Variants in M1AP observed in about 807,000 individuals in gnomAD.
M1AP encodes the protein meiosis 1 associated protein.
In M1AP, 39 loss-of-function variants were observed where a neutral mutation model predicts 51.2. The ratio of observed to expected loss-of-function variants is 0.76; its 90% CI spans 0.59 to 1.00. M1AP has a LOEUF of 1.00. Among genes scored for constraint, M1AP ranks in the 50% least tolerant of loss-of-function variants. The probability of loss-of-function intolerance (pLI) is 0.00; values close to 1 mark genes in which losing one functional copy is unlikely to be tolerated. For missense variants in M1AP, 545 were observed against 641.2 expected (o/e 0.85, Z 1.62); for synonymous variants, 251 against 249.2 (o/e 1.01, Z -0.07).
chr2:74,571,878 C>T (rs1456294250), intron 7 of M1AP, among the ~76,000 whole-genome samples: 2 of 152,002 alleles, frequency 1.3e-5, no homozygotes, highest in Non-Finnish European at 2.9e-5. Context: ...TGCCTGTAAT[C>T]CCAGCTACTC....
intron 3 of M1AP, among the ~76,000 whole-genome samples, chr2:74,614,278 A>G (rs1011011416): frequency 3.3e-5 from 5 of 152,176 alleles, no homozygotes; most frequent in Non-Finnish European, 5.9e-5. Flanking sequence ...TCTAAAAAAT[A>G]TTGTTGATTT....
intron 4 of M1AP, among the ~76,000 whole-genome samples, chr2:74,582,725 T>TA (rs1679485337): frequency 6.6e-6 from 1 of 151,940 alleles, no homozygotes. Context: ...TTTCTTGTGT[T>TA]AAAAAAAATT....
intron 1 of M1AP, chr2:74,647,520 A>T (rs1003521655): frequency 2.1e-6 from 1 of 477,982 alleles, no homozygotes; most frequent in Non-Finnish European, 2.7e-6. Context: ...AGGCCCTAAA[A>T]ATCTCATTTC....
At chr2:74,611,882 G>GGTTTT in intron 3 of M1AP, among the ~76,000 whole-genome samples, 1 of 42,940 alleles carries the variant, frequency 2.3e-5, no homozygotes, top group Non-Finnish European at 3.8e-5. Context: ...ACAAAAAAGT[G>GGTTTT]TTTTTTTTTT....
At chr2:74,603,223 G>T (rs1680772818) in intron 4 of M1AP, among the ~76,000 whole-genome samples, 2 of 152,192 alleles carry the variant, frequency 1.3e-5, no homozygotes, top group Admixed American at 1.3e-4. Flanking sequence ...GCCTCCATGG[G>T]TATCAAAGTC....
intron 4 of M1AP, among the ~76,000 whole-genome samples, chr2:74,603,532 G>A (rs1680795559): frequency 1.3e-5 from 2 of 152,220 alleles, no homozygotes; most frequent in African/African-American, 4.8e-5. Context: ...CAGTAGTAAT[G>A]AACCTGAATT....
At chr2:74,620,289 A>C (rs1573159288) in intron 2 of M1AP, among the ~76,000 whole-genome samples, 2 of 152,370 alleles carry the variant, frequency 1.3e-5, no homozygotes, top group African/African-American at 4.8e-5. Context: ...TGAAGAAAGC[A>C]ATGCCAAGGA....
chr2:74,625,084 C>G (rs1050981707), intron 2 of M1AP, among the ~76,000 whole-genome samples: 1 of 152,146 alleles, frequency 6.6e-6, no homozygotes, highest in Non-Finnish European at 1.5e-5. Flanking sequence ...TCTTCAAATT[C>G]TCATGAAAAT....
At chr2:74,626,336 C>G (rs1245646432) in intron 2 of M1AP, among the ~76,000 whole-genome samples, 1 of 147,496 alleles carries the variant, frequency 6.8e-6, no homozygotes, top group African/African-American at 2.6e-5. Context: ...AATCATAGCT[C>G]ATGGCACTGG....
chr2:74,593,379 C>CATTT, intron 4 of M1AP, among the ~76,000 whole-genome samples: 1 of 152,160 alleles, frequency 6.6e-6, no homozygotes, highest in South Asian at 2.1e-4. Context: ...ATATTTTATT[C>CATTT]ATTTATTTAT....
chr2:74,638,763 A>G (rs982906807), intron 2 of M1AP, among the ~76,000 whole-genome samples: 3 of 152,156 alleles, frequency 2.0e-5, no homozygotes, highest in African/African-American at 4.8e-5. Context: ...CTTGGCTACA[A>G]TCTCATGAGG....
chr2:74,599,875 G>C (rs1680575070), intron 4 of M1AP, among the ~76,000 whole-genome samples: 1 of 151,046 alleles, frequency 6.6e-6, no homozygotes, highest in African/African-American at 2.4e-5. Flanking sequence ...CTCTCACCCA[G>C]GCTGGAGTGC....
intron 2 of M1AP, among the ~76,000 whole-genome samples, chr2:74,626,751 C>T (rs1682421844): frequency 6.6e-6 from 1 of 152,190 alleles, no homozygotes; most frequent in African/African-American, 2.4e-5. Context: ...GGCTATCCAG[C>T]TGATCCAAAC....
rs1236970365 is a variant in M1AP at position 74,568,346 on chromosome 2, TGTTGGAAGGCA to T, written c.1075-5934_1075-5924del. On this transcript the variant is annotated intron_variant, in intron 7 of 10. Transcript: ENST00000421985. ...GAACAATCGGAAAAGCTGGATAATT[TGTTGGAAGGCA>T]GTAAGGAGTTGCTGAGGCAATGAGA... 2.0e-5 allele frequency among the ~76,000 whole-genome samples: 3 copies of T among 152,218 alleles called. No homozygotes were observed. In the East Asian group the frequency reaches 5.8e-4, roughly 29 times the overall value.
At chr2:74,645,301 C>A (rs1683538237) in intron 1 of M1AP, among the ~76,000 whole-genome samples, 1 of 152,202 alleles carries the variant, frequency 6.6e-6, no homozygotes, top group African/African-American at 2.4e-5. Context: ...GACACACCAT[C>A]TTTAAGAACT....
intron 4 of M1AP, among the ~76,000 whole-genome samples, chr2:74,604,534 C>T (rs186912068): frequency 7.1e-4 from 108 of 152,254 alleles, no homozygotes; most frequent in Non-Finnish European, 1.5e-3. Context: ...GATCTAATGC[C>T]ACAGCTGATC....
intron 8 of M1AP, among the ~76,000 whole-genome samples, chr2:74,561,300 T>C (rs976597861): frequency 1.3e-5 from 2 of 149,456 alleles, no homozygotes; most frequent in Admixed American, 6.7e-5. Context: ...CTTTCAGAGT[T>C]GTTTGCTCCT....
At chr2:74,600,735 T>G (rs1283223390) in intron 4 of M1AP, among the ~76,000 whole-genome samples, 2 of 152,192 alleles carry the variant, frequency 1.3e-5, no homozygotes, top group Admixed American at 6.5e-5. Context: ...GGAAAAAGTT[T>G]TATAATATTA....
At chr2:74,566,589 G>C (rs149717419) in intron 7 of M1AP, among the ~76,000 whole-genome samples, 2 of 152,132 alleles carry the variant, frequency 1.3e-5, no homozygotes, top group African/African-American at 4.8e-5. Context: ...GACAAAGCTA[G>C]GTCACAGGAA....
Sources: allele counts gnomAD v4.1 joint callset (sites outside exome capture counted in the v4.1 genomes callset), GRCh38; gene constraint gnomAD v4.1.1; transcripts MANE v1.5; gene names NCBI Gene and HGNC (gene_info 2026-07-23, HGNC 2026-07-21).